ECPAS: variants seen among roughly 807,000 people sequenced by gnomAD.
ECPAS encodes proteasome adapter and scaffold protein ECM29.
A neutral mutation model predicts 255.1 loss-of-function variants in ECPAS; 70 were observed. The ratio of observed to expected loss-of-function variants is 0.27; its 90% CI spans 0.23 to 0.33. The LOEUF (loss-of-function observed/expected upper bound fraction) is 0.33. Ranked by LOEUF, ECPAS falls within the 10% of genes least tolerant of loss-of-function variation. The pLI, the probability that ECPAS is intolerant of heterozygous loss-of-function variation, is 1.00. For synonymous variants in ECPAS, 784 were observed against 775.0 expected, an observed-to-expected ratio of 1.01 and a Z score of -0.19; for missense variants, 1,817 against 2,206.4, an observed-to-expected ratio of 0.82 and a Z score of 3.54.
chr9:111,450,012 CA>C (rs2098258204), intron 3 of ECPAS, among the ~76,000 whole-genome samples: 1 of 152,140 alleles, frequency 6.6e-6, no homozygotes, highest in Non-Finnish European at 1.5e-5. Context: ...AATTATATCC[CA>C]AATATATTCT....
At chr9:111,434,752 C>T (rs996156325) in intron 7 of ECPAS, among the ~76,000 whole-genome samples, 1 of 151,812 alleles carries the variant, frequency 6.6e-6, no homozygotes, top group Non-Finnish European at 1.5e-5. Flanking sequence ...CCGCCATGCC[C>T]GGCTAATTTT....
chr9:111,418,888 G>C (rs1364271242), intron 16 of ECPAS, among the ~76,000 whole-genome samples: 1 of 152,094 alleles, frequency 6.6e-6, no homozygotes, highest in Non-Finnish European at 1.5e-5. Flanking sequence ...AGAAGCAACA[G>C]AGCACCAGAA....
At chr9:111,452,756 G>A (rs568748875) in intron 2 of ECPAS, among the ~76,000 whole-genome samples, 3 of 152,280 alleles carry the variant, frequency 2.0e-5, no homozygotes, top group East Asian at 1.9e-4. Flanking sequence ...CAGATTGATC[G>A]ATCAATCCTG....
chr9:111,479,736 T>C (rs866638316), intron 1 of ECPAS, among the ~76,000 whole-genome samples: 11 of 152,036 alleles, frequency 7.2e-5, no homozygotes, highest in African/African-American at 2.7e-4. Flanking sequence ...ATCCCAGCAC[T>C]GTGGGAGGCT....
chr9:111,377,479 G>A (rs915759351), intron 36 of ECPAS, among the ~76,000 whole-genome samples: 10 of 151,904 alleles, frequency 6.6e-5, no homozygotes, highest in Non-Finnish European at 1.3e-4. Flanking sequence ...CCAAAGGTAC[G>A]GAGAAAAAAA....
intron 8 of ECPAS, among the ~76,000 whole-genome samples, chr9:111,431,108 C>T (rs1024899244): frequency 1.3e-5 from 2 of 152,180 alleles, no homozygotes; most frequent in Non-Finnish European, 2.9e-5. Context: ...TTGCAAGCCA[C>T]CGTATTTCTC....
At position 111,389,969 on chromosome 9, in the gene ECPAS, G is replaced by C; in HGVS notation, c.3279+15C>G. 1 of 1,504,924 alleles carries C rather than the reference G, an allele frequency of 6.6e-7. No homozygotes were observed. Among genetic ancestry groups the C allele is most frequent in the Non-Finnish European group, 9.2e-7 (1 of 1,089,372 alleles). 93.2% of individuals were successfully genotyped at this position (1,504,924 alleles called of 1,614,324 possible). A position where few individuals can be genotyped will look rare whatever the true frequency, so the allele number is the denominator to read the frequency against. ...CATGAAAAAAATAAATAATTGTCCA[G>C]TGATAGCAACTTACCTTCCTAGAGT... On this transcript the variant is annotated intron_variant, in intron 30 of 49. Transcript: ENST00000684092.
In ECPAS at chr9:111,444,426, C is replaced by T. The variant is rs1266015524; in HGVS notation, c.222G>A (p.Glu74=). The T allele has an allele frequency of 6.2e-7, 1 of 1,613,744 alleles. No homozygotes were observed. The highest frequency in any genetic ancestry group is 8.5e-7 in the Non-Finnish European group (1 of 1,179,826). ...GGTCCTGGTACTGAACCAACAGTGT[C>T]TCTACTGGAAGTTGTATTTTGGGGC... ...KSRPKIQLPV[E]TLLVQYQDPA... Residue 74 remains glutamate (E), a synonymous_variant, in exon 4 of 50, where the codon GAG becomes GAA. Transcript: ENST00000684092.
chr9:111,426,984 C>T lies in ECPAS; in HGVS notation c.1050+1058G>A, dbSNP rs190244485. On this transcript the variant is annotated intron_variant, in intron 10 of 49. Transcript: ENST00000684092. ...AAAGACTCCGTCTCCAAAAAAACCA[C>T]AAAAAGATATGGGACAAAATATAAT... 1.5e-4 allele frequency among the ~76,000 whole-genome samples: 23 copies of T among 151,972 alleles called. No individual in the cohort carries two copies. In the East Asian group the frequency reaches 4.3e-3, roughly 28 times the overall value.
intron 10 of ECPAS, among the ~76,000 whole-genome samples, chr9:111,426,385 A>T (rs1263168389): frequency 6.6e-6 from 1 of 151,214 alleles, no homozygotes; most frequent in East Asian, 1.9e-4. Flanking sequence ...AAAAAAAAAA[A>T]CTCTATACTC....
rs745939940 is a variant in ECPAS at position 111,397,076 on chromosome 9, G to A, written c.2730C>T (p.Ala910=). 1.2e-6 allele frequency: 2 copies of A among 1,613,912 alleles called. No homozygotes were observed. The highest frequency in any genetic ancestry group is 4.5e-5 in the East Asian group (2 of 44,884). Reference sequence around the variant, plus strand: ...CTTCAGTCATTTGCCAGGCATCTCGGGCAGCCACAGAACTAGTTCCTATTG... The same window carrying A: ...CTTCAGTCATTTGCCAGGCATCTCGAGCAGCCACAGAACTAGTTCCTATTG... The part of the protein sequence containing the change: ...SAAIGTSSVA[A]RDAWQMTEEE... The change falls in exon 25 of 50, where the codon GCC becomes GCT. Residue 910 remains alanine (A), a synonymous_variant. Coordinates refer to ENST00000684092, the MANE Select transcript of ECPAS (RefSeq NM_001364929.1).
intron 33 of ECPAS, 34 bp downstream of exon 33, chr9:111,385,303 T>C (rs2131582289): frequency 1.0e-6 from 1 of 989,344 alleles, no homozygotes; most frequent in South Asian, 1.6e-5. Flanking sequence ...TTTAACTTTT[T>C]GTATATATAA....
At chr9:111,464,296 G>A (rs2132035501) in intron 2 of ECPAS, among the ~76,000 whole-genome samples, 1 of 151,564 alleles carries the variant, frequency 6.6e-6, no homozygotes, top group African/African-American at 2.4e-5. Context: ...AATTAGCCAG[G>A]CATGGTGGTA....
chr9:111,406,908 T>C lies in ECPAS; in HGVS notation c.2652+1663A>G, dbSNP rs2098184795. 2.0e-5 allele frequency among the ~76,000 whole-genome samples: 3 copies of C among 149,004 alleles called. No individual in the cohort carries two copies. The South Asian group carries it at 6.3e-4, about 31-fold the overall frequency. ...AAAATAAATAAAAAATAAAAACAGT[T>C]AAAAGAAACCAAAAAAACCTTCAGC... is the stretch of plus-strand genomic sequence containing the variant. On this transcript the variant is annotated intron_variant, in intron 24 of 49. Transcript: ENST00000684092.
rs1192049115 is a variant in ECPAS at position 111,397,090 on chromosome 9, T to C, written c.2716A>G (p.Ser906Gly). 1 of 1,613,954 alleles carries C rather than the reference T, an allele frequency of 6.2e-7. No individual in the cohort carries two copies. Residue 906 changes from serine (S) to glycine (G), a missense_variant, in exon 25 of 50, where the codon AGT becomes GGT. Physicochemically the swap from Ser to Gly is moderately conservative, Grantham distance 56 (BLOSUM62 0). Transcript: ENST00000684092. ...EAITSAAIGT[S>G]SVAARDAWQM... ...CAGGCATCTCGGGCAGCCACAGAAC[T>C]AGTTCCTATTGCAGCACTGGTAATG...
At chr9:111,393,040 A>C (rs1206216762) in intron 27 of ECPAS, among the ~76,000 whole-genome samples, 158 bp from the exon 28 acceptor site, 2 of 152,232 alleles carry the variant, frequency 1.3e-5, no homozygotes, top group African/African-American at 4.8e-5. Context: ...TAAAAATAAT[A>C]ATCATTTCAG....
At chr9:111,463,546 T>A (rs2098275744) in intron 2 of ECPAS, among the ~76,000 whole-genome samples, 1 of 152,152 alleles carries the variant, frequency 6.6e-6, no homozygotes, top group African/African-American at 2.4e-5. Flanking sequence ...CAATTTTCCA[T>A]AAAAGTGCAG....
At chr9:111,483,046 T>C (rs1274483343) in intron 1 of ECPAS, among the ~76,000 whole-genome samples, 2 of 152,188 alleles carry the variant, frequency 1.3e-5, no homozygotes, top group Non-Finnish European at 2.9e-5. Flanking sequence ...GGCTGATTAC[T>C]AGAGTGTCAC....
rs2098232696 is a variant in ECPAS at position 111,433,235 on chromosome 9, C to T, written c.846G>A (p.Gln282=). 6.2e-7 allele frequency: 1 copy of T among 1,613,782 alleles called. No individual in the cohort carries two copies. The highest frequency in any genetic ancestry group is 8.5e-7 in the Non-Finnish European group (1 of 1,179,680). The change falls in exon 8 of 50, where the codon CAG becomes CAA. Residue 282 remains glutamine, a splice_region_variant and synonymous_variant. Coordinates refer to ENST00000684092, the MANE Select transcript of ECPAS (RefSeq NM_001364929.1). ...TAADLELKSK[Q]SLIDWNNPAI... ...AAAGTTTACAGGGAAGTAGTTACCT[C>T]TGTTTGCTTTTCAATTCCAGGTCTG...
Sources: gnomAD v4.1 joint callset for allele counts (sites outside exome capture counted in the v4.1 genomes callset) on GRCh38, gnomAD v4.1.1 for gene constraint, MANE v1.5 for transcripts, NCBI Gene and HGNC (gene_info 2026-07-23, HGNC 2026-07-21) for gene names.